The following PHLDB2 variants were observed in gnomAD, a reference collection of about 807,000 sequenced individuals.
PHLDB2 encodes the protein pleckstrin homology-like domain family B member 2.
Under a neutral mutation model 123.6 loss-of-function variants are expected in PHLDB2, and 71 were observed. The ratio of observed to expected loss-of-function variants is 0.57; its 90% CI spans 0.47 to 0.70. The LOEUF (loss-of-function observed/expected upper bound fraction) is 0.70. Ranked by LOEUF, PHLDB2 falls within the 30% of genes least tolerant of loss-of-function variation. The pLI is 0.00. For synonymous variants in PHLDB2, 547 were observed against 541.6 expected (o/e 1.01, Z -0.14); for missense variants, 1,446 against 1,519.5 (o/e 0.95, Z 0.80).
intron 8 of PHLDB2, among the ~76,000 whole-genome samples, chr3:111,942,624 T>G (rs1383036810): frequency 6.6e-6 from 1 of 152,134 alleles, no homozygotes; most frequent in Non-Finnish European, 1.5e-5. Flanking sequence ...TGTTGGTGAT[T>G]TGCTGCATAA....
chr3:111,880,513 A>G (rs951734216), intron 1 of PHLDB2, among the ~76,000 whole-genome samples: 3 of 152,166 alleles, frequency 2.0e-5, no homozygotes, highest in Non-Finnish European at 2.9e-5. Flanking sequence ...GGTACAACTA[A>G]AAAACTAGTA....
intron 5 of PHLDB2, among the ~76,000 whole-genome samples, 194 bp downstream of exon 5, chr3:111,920,613 G>A (rs1224506582): frequency 6.6e-6 from 1 of 152,186 alleles, no homozygotes; most frequent in African/African-American, 2.4e-5. Flanking sequence ...GGCAGCTGAT[G>A]CTGAGAGAGC....
chr3:111,888,243 A>G (rs1438432858), intron 2 of PHLDB2, among the ~76,000 whole-genome samples: 2 of 152,112 alleles, frequency 1.3e-5, no homozygotes, highest in Non-Finnish European at 2.9e-5. Flanking sequence ...GGCACAGTGA[A>G]CAAACCTAAT....
chr3:111,845,821 G>C, exon 2 of PHLDB2: 1 of 1,614,048 alleles, frequency 6.2e-7, no homozygotes, highest in Non-Finnish European at 8.5e-7. Context: ...CTGTGTGCAG[G>C]CTGGCACTGA....
intron 16 of PHLDB2, among the ~76,000 whole-genome samples, chr3:111,972,300 G>A (rs1473669759): frequency 1.3e-5 from 2 of 152,054 alleles, no homozygotes; most frequent in African/African-American, 4.8e-5. Flanking sequence ...GTTTCACAAG[G>A]AAGAGGAAAA....
At chr3:111,776,938 C>T (rs1009373022) in intron 1 of PHLDB2, among the ~76,000 whole-genome samples, 2 of 152,198 alleles carry the variant, frequency 1.3e-5, no homozygotes, top group Admixed American at 1.3e-4. Context: ...AAGGAGCTTA[C>T]AGTCAAGCCA....
At chr3:111,839,506 T>A (rs1559861467) in intron 1 of PHLDB2, among the ~76,000 whole-genome samples, 1 of 152,250 alleles carries the variant, frequency 6.6e-6, no homozygotes, top group African/African-American at 2.4e-5. Flanking sequence ...GAAGTTATTT[T>A]AAAATTAACA....
At chr3:111,952,242 C>T (rs1408338307) in intron 10 of PHLDB2, among the ~76,000 whole-genome samples, 7 of 152,182 alleles carry the variant, frequency 4.6e-5, no homozygotes, top group African/African-American at 9.7e-5. Context: ...AAAGTGCTTA[C>T]GTGCTTTGTC....
chr3:111,834,900 G>A (rs1454203051), intron 1 of PHLDB2, among the ~76,000 whole-genome samples: 1 of 151,936 alleles, frequency 6.6e-6, no homozygotes, highest in Non-Finnish European at 1.5e-5. Flanking sequence ...CTTCGGAACT[G>A]GTTTTTATAT....
At chr3:111,758,045 G>T (rs1193355121) in intron 1 of PHLDB2, among the ~76,000 whole-genome samples, 1 of 152,164 alleles carries the variant, frequency 6.6e-6, no homozygotes, top group African/African-American at 2.4e-5. Flanking sequence ...CTGCTCAGGG[G>T]TCAGGGGCCA....
intron 1 of PHLDB2, among the ~76,000 whole-genome samples, chr3:111,818,165 GGTGTGTGTGTGTGT>G (rs5851789): frequency 5.4e-5 from 8 of 147,600 alleles, no homozygotes; most frequent in Admixed American, 2.0e-4. Context: ...TTAAAAAACT[GGTGTGTGTGTGTGT>G]GTGTGTGTGT....
At chr3:111,964,968 A>G (rs1388682372) in intron 13 of PHLDB2, among the ~76,000 whole-genome samples, 1 of 152,188 alleles carries the variant, frequency 6.6e-6, no homozygotes, top group Non-Finnish European at 1.5e-5. Flanking sequence ...TGATGTCACA[A>G]ACTACACTAT....
At chr3:111,940,473 C>A (rs1053865377) in intron 7 of PHLDB2, 62 bp from the exon 8 acceptor site, 9 of 943,974 alleles carry the variant, frequency 9.5e-6, no homozygotes, top group Non-Finnish European at 1.3e-5. Context: ...TTTTCTAGGA[C>A]AGACTAGCAA....
chr3:111,769,828 A>G (rs2060143352), intron 1 of PHLDB2, among the ~76,000 whole-genome samples: 1 of 152,216 alleles, frequency 6.6e-6, no homozygotes, highest in Non-Finnish European at 1.5e-5. Context: ...ATTTGGGCAG[A>G]TGGATGCAAA....
chr3:111,889,741 T>C (rs1005622189), intron 2 of PHLDB2, among the ~76,000 whole-genome samples: 1 of 152,142 alleles, frequency 6.6e-6, no homozygotes, highest in African/African-American at 2.4e-5. Context: ...TTCACAAAAT[T>C]TATTTCAAGA....
Position 111,875,149 on chromosome 3 carries a change from A to G in PHLDB2, c.-14-8915A>G, listed in dbSNP as rs112045056. Among the ~76,000 whole-genome samples, 941 of 152,172 alleles carry G rather than the reference A, an allele frequency of 6.2e-3. 6 individuals carry two copies. Among genetic ancestry groups the G allele is most frequent in the Middle Eastern group, 0.02 (6 of 294 alleles). ...AATATTTATATATTAAATTAGTCTGATCAAGACTGTTTTTTTTTGCAATGG... is the reference window on the plus strand; with the variant it reads ...AATATTTATATATTAAATTAGTCTGGTCAAGACTGTTTTTTTTTGCAATGG... On this transcript the variant is annotated intron_variant, in intron 1 of 17. Coordinates refer to ENST00000431670, the MANE Select transcript of PHLDB2 (RefSeq NM_001134438.2).
intron 1 of PHLDB2, among the ~76,000 whole-genome samples, chr3:111,812,926 A>G (rs1481967467): frequency 6.6e-6 from 1 of 152,170 alleles, no homozygotes; most frequent in Non-Finnish European, 1.5e-5. Context: ...AACATTACAA[A>G]CATTGGCAGG....
rs567663090 is a variant in PHLDB2, at chr3:111,760,694, T to G, written c.-49+27991T>G. 4.6e-5 allele frequency among the ~76,000 whole-genome samples: 7 copies of G among 152,272 alleles called. No homozygotes were observed. The East Asian group carries it at 5.8e-4, about 13-fold the overall frequency. Reference sequence around the variant, plus strand: ...TGTGTATACAGTTTTTTGTTTGTTTTTTTTTTCCTGAGAGCCACGTGGGAC... The same window carrying G: ...TGTGTATACAGTTTTTTGTTTGTTTGTTTTTTCCTGAGAGCCACGTGGGAC... On this transcript the variant is annotated intron_variant, in intron 1 of 17. Transcript: ENST00000393923.
At chr3:111,820,614 G>T (rs1350114578) in intron 1 of PHLDB2, among the ~76,000 whole-genome samples, 1 of 152,194 alleles carries the variant, frequency 6.6e-6, no homozygotes, top group African/African-American at 2.4e-5. Context: ...TGGCCCCATG[G>T]CCACCTCTCA....
Sources: gnomAD v4.1 joint callset for allele counts (sites outside exome capture counted in the v4.1 genomes callset) on GRCh38, gnomAD v4.1.1 for gene constraint, MANE v1.5 for transcripts, NCBI Gene and HGNC (gene_info 2026-07-23, HGNC 2026-07-21) for gene names.